CYBC1: variants seen among roughly 807,000 people sequenced by gnomAD.
CYBC1 encodes essential for reactive oxygen species protein.
A neutral mutation model predicts 21.7 loss-of-function variants in CYBC1; 22 were observed. That is an observed-to-expected ratio of 1.02 (90% confidence interval 0.73 to 1.45). The LOEUF is 1.45. CYBC1 is among the 40% of genes most tolerant of loss of function. CYBC1 has a pLI of 0.00. For missense variants in CYBC1, 237 were observed against 242.1 expected (o/e 0.98, Z 0.14); for synonymous variants, 112 against 98.7 (o/e 1.13, Z -0.80).
intron 2 of CYBC1, 154 bp downstream of exon 2, chr17:82,449,016 C>T (rs2054444169): frequency 1.6e-6 from 1 of 631,952 alleles, no homozygotes; most frequent in Non-Finnish European, 2.7e-6. Context: ...AAACCAAGTA[C>T]ACCAGATAGA....
Position 82,444,450 on chromosome 17 carries a change from C to G in CYBC1, c.440G>C (p.Arg147Pro). The change falls in exon 6 of 7, where the codon CGC (arginine) becomes CCC (proline). Residue 147 changes from arginine to proline, a missense_variant. By Grantham distance (103) the Arg-to-Pro change is moderately radical. Transcript: ENST00000306645. ...GATCAAAGTCCCACAGCCTTACCTG[C>G]GGTGGCCCATGACTGCACTCTGCGT... The part of the protein sequence containing the change: ...PLTQSAVMGH[R>P]SDVEAIAKLI... 1 of 1,605,410 alleles carries G rather than the reference C, an allele frequency of 6.2e-7. No homozygotes were observed. Among genetic ancestry groups the G allele is most frequent in the South Asian group, 1.1e-5 (1 of 90,372 alleles).
intron 2 of CYBC1, 96 bp from the exon 3 acceptor site, chr17:82,447,717 C>T (rs1186929812): frequency 9.2e-7 from 1 of 1,089,894 alleles, no homozygotes; most frequent in Non-Finnish European, 1.4e-6. Flanking sequence ...GATGAGCAGG[C>T]CCTTCCCACT....
rs982292141 is a variant in CYBC1, at chr17:82,443,316, G to T, written c.*688C>A. On this transcript the variant is annotated 3_prime_UTR_variant, in exon 7 of 7. Coordinates refer to ENST00000306645, the MANE Select transcript of CYBC1 (RefSeq NM_001033046.4). The surrounding 1 kb of genome is among the most constrained non-coding windows in gnomAD (Gnocchi z 6.7). ...GTGTGAGGAACAGAGAGACCTTTCT[G>T]TGACGACCGCTGGGGCAGAGTGGTC... The T allele has an allele frequency of 1.5e-5, 6 of 395,936 alleles. No individual in the cohort carries two copies. The highest frequency in any genetic ancestry group is 2.9e-5 in the Non-Finnish European group (6 of 206,012). 24.5% of individuals were successfully genotyped at this position (395,936 alleles called of 1,614,324 possible).
At position 82,444,109 on chromosome 17, in the gene CYBC1, G is replaced by T. The variant is rs375281920; in HGVS notation, c.459C>A (p.Ile153=). The part of the protein sequence containing the change: ...VMGHRSDVEA[I]AKLITSFLEL... ...CCAGGAAGCTGGTGATGAGCTTGGCGATGGCTTCCACATCACTGGGCGAGG... is the reference window on the plus strand; with the variant it reads ...CCAGGAAGCTGGTGATGAGCTTGGCTATGGCTTCCACATCACTGGGCGAGG... The change falls in exon 7 of 7, where the codon ATC becomes ATA. Residue 153 remains isoleucine (I), a synonymous_variant. Coordinates refer to ENST00000306645, the MANE Select transcript of CYBC1 (RefSeq NM_001033046.4). The T allele has an allele frequency of 6.2e-7, 1 of 1,612,092 alleles. No homozygotes were observed. The highest frequency in any genetic ancestry group is 8.5e-7 in the Non-Finnish European group (1 of 1,178,726).
At chr17:82,448,327 T>TCAAAACAAGTACA in intron 2 of CYBC1, 1 of 130,408 alleles carries the variant, frequency 7.7e-6, no homozygotes, top group Non-Finnish European at 1.6e-5. Flanking sequence ...ATCACGTGGT[T>TCAAAACAAGTACA]AGTGGACTGT....
intron 4 of CYBC1, among the ~76,000 whole-genome samples, chr17:82,446,179 G>A (rs773142705): frequency 6.6e-6 from 1 of 152,226 alleles, no homozygotes; most frequent in East Asian, 1.9e-4. Context: ...GAGGTGGGCA[G>A]GTGCAGCAGG....
chr17:82,447,548 G>C, intron 3 of CYBC1, 32 bp downstream of exon 3: 33 of 1,396,484 alleles, frequency 2.4e-5, no homozygotes, highest in Non-Finnish European at 3.2e-5. Flanking sequence ...AGCTGAGACA[G>C]TCATGGGGGG....
chr17:82,446,520 G>A, intron 4 of CYBC1, 103 bp downstream of exon 4: 1 of 1,111,436 alleles, frequency 9.0e-7, no homozygotes, highest in East Asian at 2.4e-5. Flanking sequence ...GGACGGGGAG[G>A]CGCTAGGCCA....
At chr17:82,446,003 G>A (rs748016231) in intron 4 of CYBC1, 43 bp from the exon 5 acceptor site, 36 of 1,579,702 alleles carry the variant, frequency 2.3e-5, no homozygotes, top group Middle Eastern at 1.7e-4. Context: ...CTCCAGGAAC[G>A]GGGGCCCCGT....
At chr17:82,447,528 T>G in intron 3 of CYBC1, 52 bp downstream of exon 3, 1 of 1,383,868 alleles carries the variant, frequency 7.2e-7, no homozygotes. Context: ...CTTTTCTCTG[T>G]TTTCCAAACA....
chr17:82,442,675 A>T lies in CYBC1; in HGVS notation c.*1329T>A. The T allele has an allele frequency of 7.5e-7, 1 of 1,336,834 alleles. No individual in the cohort carries two copies. The highest frequency in any genetic ancestry group is 1.0e-6 in the Non-Finnish European group (1 of 973,194). The allele number at this position is 1,336,834 out of a possible 1,614,324, so 82.8% of individuals were successfully genotyped here. On this transcript the variant is annotated 3_prime_UTR_variant, in exon 7 of 7. Transcript: ENST00000306645. The surrounding 1 kb of genome is among the most constrained non-coding windows in gnomAD (Gnocchi z 6.8). ...TGAAGGGTTATTTATGGTTATGATG[A>T]CCCTGTCCTGCAACGAGGGACTGGC...
chr17:82,449,150 A>G lies in CYBC1; in HGVS notation c.85+20T>C. ...GGCTTCCGGTTCTGGGGTTCTGGGG[A>G]GGGACGTGGAGAGCCTTACCAACCA... On this transcript the variant is annotated intron_variant, in intron 2 of 6. Coordinates refer to ENST00000306645, the MANE Select transcript of CYBC1 (RefSeq NM_001033046.4). The G allele has an allele frequency of 1.3e-6, 2 of 1,537,396 alleles. No individual in the cohort carries two copies. Among genetic ancestry groups the G allele is most frequent in the Non-Finnish European group, 8.8e-7 (1 of 1,142,836 alleles).
In CYBC1 at chr17:82,448,965, T is replaced by TA. The variant is rs1599791982; in HGVS notation, c.85+204dup. The TA allele has an allele frequency of 5.3e-6, 3 of 561,220 alleles. No homozygotes were observed. The East Asian group carries it at 9.3e-5, about 17-fold the overall frequency. 34.8% of individuals were successfully genotyped at this position (561,220 alleles called of 1,614,324 possible). A position where few individuals can be genotyped will look rare whatever the true frequency, so the allele number is the denominator to read the frequency against. On this transcript the variant is annotated intron_variant, in intron 2 of 6. Transcript: ENST00000306645. ...AGAGTATATTAAATACGCTGGGTGT[T>TA]AGTGATTAAAAGGGGACAAAACAGA...
chr17:82,446,011 C>A, intron 4 of CYBC1, 51 bp from the exon 5 acceptor site: 1 of 1,503,868 alleles, frequency 6.6e-7, no homozygotes. Flanking sequence ...ACGGGGGCCC[C>A]GTGGCCGCTG....
chr17:82,449,111 CT>C lies in CYBC1; in HGVS notation c.85+58del, dbSNP rs898200410. On this transcript the variant is annotated intron_variant, in intron 2 of 6. Transcript: ENST00000306645. ...GAAAATATTTTGTTTCATTTTCATC[CT>C]TTTTGAAAGTCAGGCTTCCGGTTCT... 9.2e-6 allele frequency: 12 copies of C among 1,299,040 alleles called. No homozygotes were observed. In the Admixed American group the frequency reaches 1.7e-4, roughly 19 times the overall value. 80.5% of individuals were successfully genotyped at this position (1,299,040 alleles called of 1,614,324 possible).
intron 1 of CYBC1, chr17:82,449,959 G>C (rs1428835470): frequency 1.3e-5 from 2 of 152,252 alleles, no homozygotes; most frequent in African/African-American, 2.4e-5. Flanking sequence ...GGCTTTCCCT[G>C]TGAAGTCAAA....
At chr17:82,449,513 G>A (rs2054472993) in intron 1 of CYBC1, 1 of 397,682 alleles carries the variant, frequency 2.5e-6, no homozygotes, top group Non-Finnish European at 4.4e-6. Flanking sequence ...CGTTCACAGC[G>A]ACACCGACTG....
chr17:82,448,035 T>C (rs1260924211), intron 2 of CYBC1: 16 of 288,306 alleles, frequency 5.5e-5, no homozygotes, highest in South Asian at 5.4e-4. Context: ...CAGTAGCACG[T>C]GGTGAGGCCT....
rs2054463171 is a variant in CYBC1 at position 82,449,302 on chromosome 17, G to A, written c.-38-10C>T. ...CTACAGGAGGAGGGGTCTGGGAACA[G>A]ACAGAGGCAGCTGAGCCCTTGGGCC... On this transcript the variant is annotated splice_polypyrimidine_tract_variant and intron_variant, in intron 1 of 6. Coordinates refer to ENST00000306645, the MANE Select transcript of CYBC1 (RefSeq NM_001033046.4). 2 of 1,445,682 alleles carry A rather than the reference G, an allele frequency of 1.4e-6. No individual in the cohort carries two copies. Among genetic ancestry groups the A allele is most frequent in the Admixed American group, 5.4e-5 (2 of 36,872 alleles). The allele number at this position is 1,445,682 out of a possible 1,614,324, so 89.6% of individuals were successfully genotyped here.
Sources: gnomAD v4.1 joint callset for allele counts (sites outside exome capture counted in the v4.1 genomes callset) on GRCh38, gnomAD v4.1.1 for gene constraint, Gnocchi (gnomAD v3.1) non-coding constraint, MANE v1.5 for transcripts, NCBI Gene and HGNC (gene_info 2026-07-23, HGNC 2026-07-21) for gene names.